The following SPHK1 variants were observed in gnomAD, a reference collection of about 807,000 sequenced individuals.
SPHK1 encodes sphingosine kinase 1, also known as SK 1.
A neutral mutation model predicts 14.6 loss-of-function variants in SPHK1; 10 were observed. The ratio of observed to expected loss-of-function variants is 0.68; its 90% confidence interval spans 0.42 to 1.16. SPHK1 has a LOEUF of 1.16. SPHK1 is among the 50% of genes most tolerant of loss of function. The pLI, the probability that SPHK1 is intolerant of heterozygous loss-of-function variation, is 0.00. For missense variants in SPHK1, 553 were observed against 525.4 expected, an observed-to-expected ratio of 1.05 and a Z score of -0.51; for synonymous variants, 274 against 224.0, an observed-to-expected ratio of 1.22 and a Z score of -1.99.
chr17:76,383,875 GGCC>G, upstream of SPHK1: 2 of 1,275,146 alleles, frequency 1.6e-6, no homozygotes, highest in Non-Finnish European at 2.0e-6. Context: ...TCCCGACGGG[GGCC>G]CCCAGGCCCA....
Position 76,387,318 on chromosome 17 carries a change from G to A in SPHK1, c.887G>A (p.Arg296His), listed in dbSNP as rs144131867. The change falls in exon 6 of 6, where the codon CGT becomes CAT. Residue 296 changes from arginine (R) to histidine (H), a missense_variant. Physicochemically the swap from Arg to His is conservative, Grantham distance 29 (BLOSUM62 0). Coordinates refer to ENST00000592299, the MANE Select transcript of SPHK1 (RefSeq NM_001142601.2). The surrounding 1 kb of genome is among the most constrained non-coding windows in gnomAD (Gnocchi z 4.1). ...TTCTACGTGCGGGCGGGAGTGTCTC[G>A]TGCCATGCTGCTGCGCCTCTTCCTG... ...HLFYVRAGVS[R>H]AMLLRLFLAM... 16 of 1,613,578 alleles carry A rather than the reference G, an allele frequency of 9.9e-6. No individual in the cohort carries two copies. The highest frequency in any genetic ancestry group is 4.4e-5 in the South Asian group (4 of 91,076).
In SPHK1 at chr17:76,386,632, C is replaced by T. The variant is rs957086205; in HGVS notation, c.374+124C>T. The T allele has an allele frequency of 1.1e-4, 128 of 1,176,452 alleles. No homozygotes were observed. Among genetic ancestry groups the T allele is most frequent in the Admixed American group, 5.1e-4 (20 of 39,152 alleles). 72.9% of individuals were successfully genotyped at this position (1,176,452 alleles called of 1,614,324 possible). A position where few individuals can be genotyped will look rare whatever the true frequency, so the allele number is the denominator to read the frequency against. On this transcript the variant is annotated intron_variant, in intron 5 of 5. Transcript: ENST00000592299. This position sits in a 1 kb window ranked among gnomAD's most constrained non-coding sequence, Gnocchi z 5.3. ...TTCCCCTTCTCCCTTAGTCCTGGGG[C>T]CCTCTCCTGGTGACCCCAGCTGACT...
chr17:76,385,121 C>A lies in SPHK1; in HGVS notation c.-195+315C>A. On this transcript the variant is annotated intron_variant, in intron 1 of 5. Coordinates refer to ENST00000592299, the MANE Select transcript of SPHK1 (RefSeq NM_001142601.2). The surrounding 1 kb of genome is among the most constrained non-coding windows in gnomAD (Gnocchi z 5.3). ...GTGCCCAGCAATGTCCGCTCAAGTT[C>A]TGGGATTTTTACGCAGCTGGACTCC... 3.1e-6 allele frequency: 5 copies of A among 1,588,750 alleles called. No homozygotes were observed. Among genetic ancestry groups the A allele is most frequent in the Non-Finnish European group, 4.3e-6 (5 of 1,168,500 alleles).
rs767916598 is a variant in SPHK1 at position 76,387,446 on chromosome 17, G to A, written c.1015G>A (p.Ala339Thr). Reference protein sequence around the residue: ...LEPKDGKGVFAVDGELMVSEA... With the variant: ...LEPKDGKGVFTVDGELMVSEA... ...GCCCAAGGATGGGAAAGGTGTGTTT[G>A]CAGTGGATGGGGAATTGATGGTTAG... Residue 339 changes from alanine to threonine, a missense_variant, in exon 6 of 6, where the codon GCA (alanine) becomes ACA (threonine). Transcript: ENST00000592299. The surrounding 1 kb of genome is among the most constrained non-coding windows in gnomAD (Gnocchi z 4.1). The A allele has an allele frequency of 6.2e-7, 1 of 1,613,832 alleles. No homozygotes were observed. Among genetic ancestry groups the A allele is most frequent in the South Asian group, 1.1e-5 (1 of 91,088 alleles).
upstream of SPHK1, chr17:76,383,540 G>A (rs989396303): frequency 3.7e-6 from 1 of 273,612 alleles, no homozygotes; most frequent in Admixed American, 5.2e-5. Flanking sequence ...GTGTGTGGGG[G>A]CGGGTGGGGC....
At position 76,385,058 on chromosome 17, in the gene SPHK1, C is replaced by A; in HGVS notation, c.-195+252C>A. ...GAGCTCCGGGCAGGGGACACGGCAA[C>A]CTGGATGGCTGGGGCAGGGATCCTC... On this transcript the variant is annotated intron_variant, in intron 1 of 5. Coordinates refer to ENST00000592299, the MANE Select transcript of SPHK1 (RefSeq NM_001142601.2). This position sits in a 1 kb window ranked among gnomAD's most constrained non-coding sequence, Gnocchi z 5.3. 6.5e-7 allele frequency: 1 copy of A among 1,543,812 alleles called. No homozygotes were observed. The highest frequency in any genetic ancestry group is 8.7e-7 in the Non-Finnish European group (1 of 1,143,984).
rs777927006 is a variant in SPHK1, at chr17:76,385,175, G to C, written c.-194-276G>C. Reference sequence around the variant, plus strand: ...CCCCCTGGCAGCCCCGAGGGGTGAGGAGCTAGTCCGTCGGAGGGAGCCACG... The same window carrying C: ...CCCCCTGGCAGCCCCGAGGGGTGAGCAGCTAGTCCGTCGGAGGGAGCCACG... On this transcript the variant is annotated intron_variant, in intron 1 of 5. Transcript: ENST00000592299. The surrounding 1 kb of genome is among the most constrained non-coding windows in gnomAD (Gnocchi z 5.3). 7.6e-6 allele frequency: 12 copies of C among 1,585,638 alleles called. No individual in the cohort carries two copies. In the Admixed American group the frequency reaches 2.2e-4, roughly 29 times the overall value.
rs1463494309 is a variant in SPHK1, at chr17:76,385,837, C to A, written c.11-148C>A. ...GTGGCAGGGGCGCCGCGTCCCCACCCCAGGTCTCCCAGCAAAGGCCGCTCC... is the reference window on the plus strand; with the variant it reads ...GTGGCAGGGGCGCCGCGTCCCCACCACAGGTCTCCCAGCAAAGGCCGCTCC... On this transcript the variant is annotated intron_variant, in intron 2 of 5. Coordinates refer to ENST00000592299, the MANE Select transcript of SPHK1 (RefSeq NM_001142601.2). This position sits in a 1 kb window ranked among gnomAD's most constrained non-coding sequence, Gnocchi z 5.3. The A allele has an allele frequency of 2.0e-6, 3 of 1,466,442 alleles. No homozygotes were observed. Among genetic ancestry groups the A allele is most frequent in the African/African-American group, 1.4e-5 (1 of 71,074 alleles). The allele number at this position is 1,466,442 out of a possible 1,614,324, so 90.8% of individuals were successfully genotyped here. A position where few individuals can be genotyped will look rare whatever the true frequency, so the allele number is the denominator to read the frequency against.
At position 76,385,461 on chromosome 17, in the gene SPHK1, C is replaced by A; in HGVS notation, c.-184C>A. ...TCTTCTCTCCCTCAGGTCCAGCCGC[C>A]GCAGGGAATGACGCCGGTGCTCCTG... On this transcript the variant is annotated 5_prime_UTR_variant, in exon 2 of 6. Coordinates refer to ENST00000592299, the MANE Select transcript of SPHK1 (RefSeq NM_001142601.2). The surrounding 1 kb of genome is among the most constrained non-coding windows in gnomAD (Gnocchi z 5.3). The A allele has an allele frequency of 6.4e-7, 1 of 1,552,786 alleles. No individual in the cohort carries two copies. Among genetic ancestry groups the A allele is most frequent in the East Asian group, 2.4e-5 (1 of 42,500 alleles).
Position 76,385,564 on chromosome 17 carries a change from C to T in SPHK1, c.-81C>T, listed in dbSNP as rs1287353698. On this transcript the variant is annotated 5_prime_UTR_variant, in exon 2 of 6. Coordinates refer to ENST00000592299, the MANE Select transcript of SPHK1 (RefSeq NM_001142601.2). This position sits in a 1 kb window ranked among gnomAD's most constrained non-coding sequence, Gnocchi z 5.3. ...CCGCCTGGGCAGCACCGATAAGGAG[C>T]TGAAGGCAGGAGCCGCCGCCACGGG... is the stretch of plus-strand genomic sequence containing the variant. 4.5e-6 allele frequency: 7 copies of T among 1,540,164 alleles called. No individual in the cohort carries two copies. Among genetic ancestry groups the T allele is most frequent in the Non-Finnish European group, 6.1e-6 (7 of 1,149,470 alleles).
At position 76,387,688 on chromosome 17, in the gene SPHK1, C is replaced by A; in HGVS notation, c.*102C>A. 1 of 1,304,238 alleles carries A rather than the reference C, an allele frequency of 7.7e-7. No individual in the cohort carries two copies. The allele number at this position is 1,304,238 out of a possible 1,614,324, so 80.8% of individuals were successfully genotyped here. A position where few individuals can be genotyped will look rare whatever the true frequency, so the allele number is the denominator to read the frequency against. ...AGCTCCTGTGGGGGTGGAGGAGACT[C>A]CTCTGGAGAAGGGTGAGAAGGTGGA... On this transcript the variant is annotated 3_prime_UTR_variant, in exon 6 of 6. Coordinates refer to ENST00000592299, the MANE Select transcript of SPHK1 (RefSeq NM_001142601.2). This position sits in a 1 kb window ranked among gnomAD's most constrained non-coding sequence, Gnocchi z 4.1.
chr17:76,386,973 G>A lies in SPHK1; in HGVS notation c.542G>A (p.Ser181Asn), dbSNP rs763105887. The A allele has an allele frequency of 1.2e-6, 2 of 1,613,678 alleles. No homozygotes were observed. Among genetic ancestry groups the A allele is most frequent in the Admixed American group, 3.3e-5 (2 of 60,016 alleles). Reference sequence around the variant, plus strand: ...TTCATTGCTGATGTGGACCTAGAGAGTGAGAAGTATCGGCGTCTGGGGGAG... The same window carrying A: ...TTCATTGCTGATGTGGACCTAGAGAATGAGAAGTATCGGCGTCTGGGGGAG... ...WGFIADVDLE[S>N]EKYRRLGEMR... is the part of the protein sequence containing the mutation. Residue 181 changes from serine (S) to asparagine (N), a missense_variant, in exon 6 of 6, where the codon AGT becomes AAT. Transcript: ENST00000592299. The surrounding 1 kb of genome is among the most constrained non-coding windows in gnomAD (Gnocchi z 5.3).
upstream of SPHK1, chr17:76,383,979 T>C (rs1007877138): frequency 1.4e-5 from 11 of 780,122 alleles, no homozygotes; most frequent in Non-Finnish European, 1.8e-5. Context: ...TCAGGCTCGG[T>C]AGCCCAGCTG....
chr17:76,387,302 C>G lies in SPHK1; in HGVS notation c.871C>G (p.Arg291Gly). The G allele has an allele frequency of 6.2e-7, 1 of 1,613,644 alleles. No homozygotes were observed. Among genetic ancestry groups the G allele is most frequent in the Non-Finnish European group, 8.5e-7 (1 of 1,179,980 alleles). The part of the protein sequence containing the change: ...AAGVMHLFYV[R>G]AGVSRAMLLR... ...TGGCGTCATGCATCTGTTCTACGTG[C>G]GGGCGGGAGTGTCTCGTGCCATGCT... The change falls in exon 6 of 6, where the codon CGG becomes GGG. Residue 291 changes from arginine (R) to glycine (G), a missense_variant. Physicochemically the swap from Arg to Gly is moderately radical, Grantham distance 125 (BLOSUM62 -2). Transcript: ENST00000592299. This position sits in a 1 kb window ranked among gnomAD's most constrained non-coding sequence, Gnocchi z 4.1.
In SPHK1 at chr17:76,387,472, C is replaced by T. The variant is rs779279146; in HGVS notation, c.1041C>T (p.Ser347=). 19 of 1,613,312 alleles carry T rather than the reference C, an allele frequency of 1.2e-5. No individual in the cohort carries two copies. The highest frequency in any genetic ancestry group is 4.5e-5 in the East Asian group (2 of 44,868). The change falls in exon 6 of 6, where the codon AGC becomes AGT. Residue 347 remains serine (S), a synonymous_variant. Transcript: ENST00000592299. This position sits in a 1 kb window ranked among gnomAD's most constrained non-coding sequence, Gnocchi z 4.1. The part of the protein sequence containing the change: ...VFAVDGELMV[S]EAVQGQVHPN... ...CAGTGGATGGGGAATTGATGGTTAG[C>T]GAGGCCGTGCAGGGCCAGGTGCACC...
In SPHK1 at chr17:76,386,290, T is replaced by C. The variant is rs768808715; in HGVS notation, c.233T>C (p.Met78Thr). The C allele has an allele frequency of 2.3e-5, 37 of 1,602,418 alleles. No homozygotes were observed. Among genetic ancestry groups the C allele is most frequent in the Non-Finnish European group, 3.1e-5 (37 of 1,178,798 alleles). ...ELGRWDALVV[M>T]SGDGLMHEVV... is the part of the protein sequence containing the mutation. ...GGCCGCTGGGACGCTCTGGTGGTCA[T>C]GTCTGGAGACGGGCTGATGCACGAG... The change falls in exon 4 of 6, where the codon ATG (methionine) becomes ACG (threonine). Residue 78 changes from methionine to threonine, a missense_variant. By Grantham distance (81) the Met-to-Thr change is moderately conservative. Coordinates refer to ENST00000592299, the MANE Select transcript of SPHK1 (RefSeq NM_001142601.2). The surrounding 1 kb of genome is among the most constrained non-coding windows in gnomAD (Gnocchi z 5.3).
chr17:76,384,370 C>T (rs1318105719), upstream of SPHK1: 2 of 150,880 alleles, frequency 1.3e-5, no homozygotes, highest in African/African-American at 4.8e-5. Context: ...CGGCCTGCCG[C>T]CTCAGCTCAC....
Position 76,385,836 on chromosome 17 carries a change from C to T in SPHK1, c.11-149C>T. The T allele has an allele frequency of 6.8e-7, 1 of 1,464,130 alleles. No individual in the cohort carries two copies. The allele number at this position is 1,464,130 out of a possible 1,614,324, so 90.7% of individuals were successfully genotyped here. On this transcript the variant is annotated intron_variant, in intron 2 of 5. Coordinates refer to ENST00000592299, the MANE Select transcript of SPHK1 (RefSeq NM_001142601.2). The surrounding 1 kb of genome is among the most constrained non-coding windows in gnomAD (Gnocchi z 5.3). ...GGTGGCAGGGGCGCCGCGTCCCCAC[C>T]CCAGGTCTCCCAGCAAAGGCCGCTC... is the stretch of plus-strand genomic sequence containing the variant.
At chr17:76,384,458 C>G (rs1429082573), upstream of SPHK1, 2 of 150,156 alleles carry the variant, frequency 1.3e-5, no homozygotes, top group African/African-American at 4.9e-5. Context: ...TTCCTAGGAC[C>G]CGGGCGGGAA....
Sources: gnomAD v4.1 joint callset for allele counts on GRCh38, gnomAD v4.1.1 for gene constraint, Gnocchi (gnomAD v3.1) non-coding constraint, MANE v1.5 for transcripts, NCBI Gene and HGNC (gene_info 2026-07-23, HGNC 2026-07-21) for gene names.